CNOT6: variants seen among roughly 807,000 people sequenced by gnomAD.
CNOT6 encodes the protein carbon catabolite repression 4 protein.
Under a neutral mutation model 61.2 loss-of-function variants are expected in CNOT6, and 12 were observed. The observed-to-expected ratio is 0.20, with a 90% confidence interval of 0.13 to 0.32. The LOEUF (loss-of-function observed/expected upper bound fraction) is 0.32. CNOT6 is among the 10% of genes least tolerant of loss of function. The probability of loss-of-function intolerance (pLI) is 1.00; values close to 1 mark genes in which losing one functional copy is unlikely to be tolerated. For missense variants in CNOT6, 405 were observed against 663.9 expected (o/e 0.61, Z 4.28); for synonymous variants, 225 against 240.6 (o/e 0.94, Z 0.60).
chr5:180,510,231 G>C (rs7722020), intron 1 of CNOT6, among the ~76,000 whole-genome samples: 68,186 of 140,910 alleles, frequency 0.48, 16,946 homozygotes, highest in Middle Eastern at 0.6. Context: ...CAGGTGCAAT[G>C]ATAGCACGCT....
intron 2 of CNOT6, among the ~76,000 whole-genome samples, chr5:180,532,866 T>G (rs1450626315): frequency 6.6e-6 from 1 of 152,134 alleles, no homozygotes; most frequent in Non-Finnish European, 1.5e-5. Flanking sequence ...ATAAAGGATA[T>G]TACAAAGGAT....
intron 11 of CNOT6, among the ~76,000 whole-genome samples, chr5:180,573,271 T>A (rs1193567231): frequency 6.6e-6 from 1 of 152,012 alleles, no homozygotes; most frequent in Non-Finnish European, 1.5e-5. Context: ...GGGGTGCTGC[T>A]GAGAGAAAAG....
intron 1 of CNOT6, among the ~76,000 whole-genome samples, chr5:180,495,176 T>A (rs1756547971): frequency 6.6e-6 from 1 of 152,184 alleles, no homozygotes; most frequent in South Asian, 2.1e-4. Context: ...AGCTTCGCGC[T>A]CCGTGGCCAC....
chr5:180,506,572 C>G (rs1757138995), intron 1 of CNOT6, among the ~76,000 whole-genome samples: 1 of 152,198 alleles, frequency 6.6e-6, no homozygotes, highest in South Asian at 2.1e-4. Flanking sequence ...TTACACCTAT[C>G]TATTTGATGT....
At chr5:180,498,687 ATTG>A (rs1410855493) in intron 1 of CNOT6, among the ~76,000 whole-genome samples, 1 of 152,222 alleles carries the variant, frequency 6.6e-6, no homozygotes, top group East Asian at 1.9e-4. Context: ...GAGCCAAAAT[ATTG>A]TTAGCAGAGG....
intron 3 of CNOT6, among the ~76,000 whole-genome samples, chr5:180,552,053 G>A (rs1207370382): frequency 1.3e-5 from 2 of 151,616 alleles, no homozygotes; most frequent in Admixed American, 6.6e-5. Flanking sequence ...ATTTGTAGTA[G>A]AGACAGGGTT....
intron 3 of CNOT6, among the ~76,000 whole-genome samples, chr5:180,551,324 T>A (rs1483198182): frequency 6.6e-6 from 1 of 152,154 alleles, no homozygotes; most frequent in Non-Finnish European, 1.5e-5. Flanking sequence ...GCCACTGCAC[T>A]CCAGCCTGGG....
intron 4 of CNOT6, among the ~76,000 whole-genome samples, chr5:180,559,001 A>G (rs911426694): frequency 5.3e-5 from 8 of 152,188 alleles, no homozygotes; most frequent in African/African-American, 1.2e-4. Context: ...TGTGATTTCA[A>G]TTCTTTTCCA....
chr5:180,509,155 A>G (rs1411122346), intron 1 of CNOT6, among the ~76,000 whole-genome samples: 1 of 151,912 alleles, frequency 6.6e-6, no homozygotes, highest in Non-Finnish European at 1.5e-5. Context: ...ATTTTGAGAC[A>G]AGGTCTGGTT....
chr5:180,568,372 C>A (rs1041874393), intron 9 of CNOT6, among the ~76,000 whole-genome samples: 7 of 151,426 alleles, frequency 4.6e-5, no homozygotes, highest in Non-Finnish European at 8.8e-5. Flanking sequence ...AAGCTAACTT[C>A]TTTTCCTGAT....
chr5:180,552,069 A>G (rs1759629804), intron 3 of CNOT6, among the ~76,000 whole-genome samples: 2 of 151,838 alleles, frequency 1.3e-5, no homozygotes, highest in South Asian at 4.2e-4. Context: ...GGGTTTCACC[A>G]TGTTGGCCAG....
At chr5:180,570,100 G>A (rs768602045) in intron 10 of CNOT6, among the ~76,000 whole-genome samples, 6 of 152,150 alleles carry the variant, frequency 3.9e-5, no homozygotes, top group South Asian at 2.1e-4. Flanking sequence ...GCTCACGCCC[G>A]TAATCCCAGC....
chr5:180,519,551 C>A (rs942820239), intron 1 of CNOT6, among the ~76,000 whole-genome samples: 1 of 152,128 alleles, frequency 6.6e-6, no homozygotes, highest in Admixed American at 6.5e-5. Context: ...ACATAAAATG[C>A]AATGTACATG....
rs747925727 is a variant in CNOT6, at chr5:180,571,275, A to G, written c.1304A>G (p.Lys435Arg). Residue 435 changes from lysine (K) to arginine (R), a missense_variant, in exon 11 of 12, where the codon AAA (lysine) becomes AGA (arginine). Physicochemically the swap from Lys to Arg is conservative, Grantham distance 26. Around this residue, in one of 5 missense-constraint regions of CNOT6, gnomAD observed 116 missense variants for 184.6 expected, o/e 0.63. Transcript: ENST00000261951. Reference sequence around the variant, plus strand: ...ACAGGTGGAGTAGAAACAAATCACAAAGACTTTAAGGAGTTGAGGTATAAT... The same window carrying G: ...ACAGGTGGAGTAGAAACAAATCACAGAGACTTTAAGGAGTTGAGGTATAAT... ...LSTGGVETNH[K>R]DFKELRYNES... The G allele has an allele frequency of 1.2e-5, 20 of 1,614,102 alleles. No individual in the cohort carries two copies. Among genetic ancestry groups the G allele is most frequent in the East Asian group, 2.2e-5 (1 of 44,898 alleles).
intron 4 of CNOT6, among the ~76,000 whole-genome samples, chr5:180,560,967 A>AGTC (rs1760149116): frequency 1.3e-5 from 2 of 150,900 alleles, no homozygotes; most frequent in Non-Finnish European, 3.0e-5. Flanking sequence ...TCTATCAATC[A>AGTC]ATCAGTCAAT....
At chr5:180,566,672 G>A (rs974489397) in intron 7 of CNOT6, among the ~76,000 whole-genome samples, 4 of 127,442 alleles carry the variant, frequency 3.1e-5, no homozygotes, top group Non-Finnish European at 6.5e-5. Flanking sequence ...TTTTTTGGGT[G>A]GTGGGGAGAC....
chr5:180,530,108 T>G (rs989101707), intron 2 of CNOT6, among the ~76,000 whole-genome samples: 1 of 152,246 alleles, frequency 6.6e-6, no homozygotes, highest in African/African-American at 2.4e-5. Flanking sequence ...TGTTGGCCTA[T>G]TATGCTTCCC....
At chr5:180,513,935 C>G (rs1038929771) in intron 1 of CNOT6, among the ~76,000 whole-genome samples, 2 of 151,862 alleles carry the variant, frequency 1.3e-5, no homozygotes, top group Non-Finnish European at 2.9e-5. Flanking sequence ...ATCTCCTGAC[C>G]TCATGATCTG....
At chr5:180,497,621 G>T (rs1756673030) in intron 1 of CNOT6, among the ~76,000 whole-genome samples, 1 of 152,050 alleles carries the variant, frequency 6.6e-6, no homozygotes, top group Non-Finnish European at 1.5e-5. Flanking sequence ...GTCCTAATAG[G>T]CTCAGCTAAA....
Sources: gnomAD v4.1 joint callset for allele counts (sites outside exome capture counted in the v4.1 genomes callset) on GRCh38, gnomAD v4.1.1 for gene constraint, gnomAD v4.1.1 regional missense constraint, MANE v1.5 for transcripts, NCBI Gene and HGNC (gene_info 2026-07-23, HGNC 2026-07-21) for gene names.